Variants in DERA observed in about 807,000 individuals in gnomAD.
DERA encodes the protein 2-deoxy-D-ribose 5-phosphate aldolase.
Under a neutral mutation model 41.1 loss-of-function variants are expected in DERA, and 15 were observed. The observed-to-expected ratio is 0.37, with a 90% CI of 0.24 to 0.56. The LOEUF (loss-of-function observed/expected upper bound fraction) is 0.56, where lower values mean the gene tolerates loss of function less well. DERA is among the 20% of genes least tolerant of loss of function. The pLI is 0.81. For missense variants in DERA, 396 were observed against 403.4 expected, an observed-to-expected ratio of 0.98 and a Z score of 0.16; for synonymous variants, 139 against 137.4, an observed-to-expected ratio of 1.01 and a Z score of -0.08.
In DERA at chr12:16,010,481, TC is replaced by T. The variant is rs1443894296; in HGVS notation, c.638-22057del. Among the ~76,000 whole-genome samples the T allele has an allele frequency of 6.6e-6, 1 of 151,736 alleles. No individual in the cohort carries two copies. Among genetic ancestry groups the T allele is most frequent in the African/African-American group, 2.4e-5 (1 of 41,292 alleles). ...TGAGGTTTTCCGAGTTCTGCTGCTT[TC>T]CCCTTTGCCAGCATATACTGCTTTT... is the stretch of plus-strand genomic sequence containing the variant. On this transcript the variant is annotated intron_variant, in intron 6 of 8. Coordinates refer to ENST00000428559, the MANE Select transcript of DERA (RefSeq NM_015954.4). This position sits in a 1 kb window ranked among gnomAD's most constrained non-coding sequence, Gnocchi z 5.5.
chr12:15,920,990 G>GA (rs1029993596), intron 1 of DERA, among the ~76,000 whole-genome samples: 2 of 152,188 alleles, frequency 1.3e-5, no homozygotes, highest in African/African-American at 4.8e-5. Context: ...CCCAGGTTCA[G>GA]ATTCAGAGAA....
Position 15,954,270 on chromosome 12 carries a change from A to G in DERA, c.32-2666A>G, listed in dbSNP as rs1429329447. On this transcript the variant is annotated intron_variant, in intron 1 of 8. Transcript: ENST00000428559. This position sits in a 1 kb window ranked among gnomAD's most constrained non-coding sequence, Gnocchi z 4.0. ...CTGGTCTTTGGGAACCACTCGACTT[A>G]TTTATCGTATGCCACCCGTGCGTCA... Among the ~76,000 whole-genome samples, 1 of 152,152 alleles carries G rather than the reference A, an allele frequency of 6.6e-6. No homozygotes were observed. The highest frequency in any genetic ancestry group is 1.5e-5 in the Non-Finnish European group (1 of 68,028).
Position 15,932,320 on chromosome 12 carries a change from T to C in DERA, c.31+20906T>C, listed in dbSNP as rs118027537. Among the ~76,000 whole-genome samples the C allele has an allele frequency of 6.2e-3, 940 of 152,308 alleles. 5 individuals carry two copies. Among genetic ancestry groups the C allele is most frequent in the South Asian group, 0.014 (69 of 4,830 alleles). ...GTGTGTTTTCCATATTTGACAAGAA[T>C]GTATGAACCCATATGATACTTTACC... On this transcript the variant is annotated intron_variant, in intron 1 of 8. Coordinates refer to ENST00000428559, the MANE Select transcript of DERA (RefSeq NM_015954.4).
chr12:15,980,096 A>C (rs555354771), intron 5 of DERA, among the ~76,000 whole-genome samples: 1 of 152,336 alleles, frequency 6.6e-6, no homozygotes, highest in South Asian at 2.1e-4. Context: ...ATAACACAAC[A>C]CTTAGTGGAA....
At position 15,913,944 on chromosome 12, in the gene DERA, A is replaced by G. The variant is rs998431910; in HGVS notation, c.31+2530A>G. On this transcript the variant is annotated intron_variant, in intron 1 of 8. Coordinates refer to ENST00000428559, the MANE Select transcript of DERA (RefSeq NM_015954.4). This position sits in a 1 kb window ranked among gnomAD's most constrained non-coding sequence, Gnocchi z 4.5. ...CTATTATGCCCTATATAGTCTATTA[A>G]AATGTACAGATATTCTTCTATTTTA... Among the ~76,000 whole-genome samples, 1 of 152,202 alleles carries G rather than the reference A, an allele frequency of 6.6e-6. No homozygotes were observed. The highest frequency in any genetic ancestry group is 1.9e-4 in the East Asian group (1 of 5,196).
At position 15,954,377 on chromosome 12, in the gene DERA, G is replaced by A. The variant is rs1364567601; in HGVS notation, c.32-2559G>A. On this transcript the variant is annotated intron_variant, in intron 1 of 8. Coordinates refer to ENST00000428559, the MANE Select transcript of DERA (RefSeq NM_015954.4). The surrounding 1 kb of genome is among the most constrained non-coding windows in gnomAD (Gnocchi z 4.0). ...CAGTGGCATTCTGAGTGAAGGGGATGTACTAAAGGTGGAATGCAGAGTTTC... is the reference window on the plus strand; with the variant it reads ...CAGTGGCATTCTGAGTGAAGGGGATATACTAAAGGTGGAATGCAGAGTTTC... 2.0e-5 allele frequency among the ~76,000 whole-genome samples: 3 copies of A among 152,158 alleles called. No individual in the cohort carries two copies. Among genetic ancestry groups the A allele is most frequent in the Admixed American group, 2.0e-4 (3 of 15,284 alleles).
At position 15,985,595 on chromosome 12, in the gene DERA, T is replaced by A. The variant is rs368201617; in HGVS notation, c.637+3159T>A. On this transcript the variant is annotated intron_variant, in intron 6 of 8. Transcript: ENST00000428559. The surrounding 1 kb of genome is among the most constrained non-coding windows in gnomAD (Gnocchi z 4.2). ...TTTTTTCATTACTTTTCAGTGAAAGTTATTTTCTAATTTCCCTTGTGATCT... is the reference window on the plus strand; with the variant it reads ...TTTTTTCATTACTTTTCAGTGAAAGATATTTTCTAATTTCCCTTGTGATCT... Among the ~76,000 whole-genome samples the A allele has an allele frequency of 6.5e-4, 98 of 150,346 alleles. No homozygotes were observed. The highest frequency in any genetic ancestry group is 2.4e-3 in the African/African-American group (97 of 41,170).
chr12:16,008,525 A>G lies in DERA; in HGVS notation c.638-24017A>G, dbSNP rs541613310. Among the ~76,000 whole-genome samples, 1 of 152,370 alleles carries G rather than the reference A, an allele frequency of 6.6e-6. No individual in the cohort carries two copies. Among genetic ancestry groups the G allele is most frequent in the Non-Finnish European group, 1.5e-5 (1 of 68,034 alleles). ...GCAGAGTCTGAGTGATCCCCCCAGT[A>G]AACTAATGTAGGATATATTTGGATG... is the stretch of plus-strand genomic sequence containing the variant. On this transcript the variant is annotated intron_variant, in intron 6 of 8. Transcript: ENST00000428559. This position sits in a 1 kb window ranked among gnomAD's most constrained non-coding sequence, Gnocchi z 4.8.
At chr12:16,005,899 T>A (rs1448044634) in intron 6 of DERA, among the ~76,000 whole-genome samples, 2 of 152,208 alleles carry the variant, frequency 1.3e-5, no homozygotes, top group Non-Finnish European at 2.9e-5. Flanking sequence ...CACATAACTG[T>A]AAGAGCATAA....
rs1015608446 is a variant in DERA, at chr12:15,996,563, G to A, written c.637+14127G>A. 5.9e-5 allele frequency among the ~76,000 whole-genome samples: 9 copies of A among 152,096 alleles called. No homozygotes were observed. The highest frequency in any genetic ancestry group is 2.2e-4 in the African/African-American group (9 of 41,398). ...CTCTTCTTATAAGGAAACCAGTAAT[G>A]TAATGGCCCACCTTACTCAGTATGA... is the stretch of plus-strand genomic sequence containing the variant. On this transcript the variant is annotated intron_variant, in intron 6 of 8. Coordinates refer to ENST00000428559, the MANE Select transcript of DERA (RefSeq NM_015954.4). The surrounding 1 kb of genome is among the most constrained non-coding windows in gnomAD (Gnocchi z 4.7).
intron 1 of DERA, among the ~76,000 whole-genome samples, chr12:15,916,753 A>G (rs1008875172): frequency 2.3e-4 from 35 of 151,942 alleles, no homozygotes; most frequent in African/African-American, 8.2e-4. Flanking sequence ...ACCTGGCACA[A>G]TCCTGTTTCT....
chr12:15,969,937 C>T (rs7961980), intron 5 of DERA, among the ~76,000 whole-genome samples: 6 of 151,964 alleles, frequency 3.9e-5, no homozygotes, highest in African/African-American at 1.2e-4. Flanking sequence ...TCTGGAAATA[C>T]GACAACTGTA....
Position 15,954,212 on chromosome 12 carries a change from T to C in DERA, c.32-2724T>C, listed in dbSNP as rs1199140146. On this transcript the variant is annotated intron_variant, in intron 1 of 8. Coordinates refer to ENST00000428559, the MANE Select transcript of DERA (RefSeq NM_015954.4). The surrounding 1 kb of genome is among the most constrained non-coding windows in gnomAD (Gnocchi z 4.0). ...AAAAGCCCTTTCTAGTCTGAAGCAG[T>C]GGAGAAAGACATTGCCCAGAATTAA... Among the ~76,000 whole-genome samples the C allele has an allele frequency of 6.6e-6, 1 of 152,200 alleles. No homozygotes were observed. Among genetic ancestry groups the C allele is most frequent in the Non-Finnish European group, 1.5e-5 (1 of 68,032 alleles).
rs74065543 is a variant in DERA at position 15,996,087 on chromosome 12, T to A, written c.637+13651T>A. On this transcript the variant is annotated intron_variant, in intron 6 of 8. Coordinates refer to ENST00000428559, the MANE Select transcript of DERA (RefSeq NM_015954.4). This position sits in a 1 kb window ranked among gnomAD's most constrained non-coding sequence, Gnocchi z 4.7. Reference sequence around the variant, plus strand: ...GCAAACATTAGAGATGCCTTCTCTTTCAGAGTTAATGTGATTCTATGCAGA... The same window carrying A: ...GCAAACATTAGAGATGCCTTCTCTTACAGAGTTAATGTGATTCTATGCAGA... Among the ~76,000 whole-genome samples the A allele has an allele frequency of 0.065, 9,926 of 152,056 alleles. 1,039 individuals are homozygous for A. Among genetic ancestry groups the A allele is most frequent in the African/African-American group, 0.22 (9,139 of 41,386 alleles).
At position 15,931,535 on chromosome 12, in the gene DERA, G is replaced by A. The variant is rs141437169; in HGVS notation, c.31+20121G>A. Among the ~76,000 whole-genome samples the A allele has an allele frequency of 3.1e-3, 470 of 152,322 alleles. No homozygotes were observed. Among genetic ancestry groups the A allele is most frequent in the African/African-American group, 0.011 (453 of 41,570 alleles). ...AAAACTGTCATCAGAAGTTTTCCCA[G>A]AGTACATTAAGTTGAAAAACTACAT... On this transcript the variant is annotated intron_variant, in intron 1 of 8. Coordinates refer to ENST00000428559, the MANE Select transcript of DERA (RefSeq NM_015954.4). This position sits in a 1 kb window ranked among gnomAD's most constrained non-coding sequence, Gnocchi z 4.6.
At chr12:16,023,502 G>A (rs867475235) in intron 6 of DERA, among the ~76,000 whole-genome samples, 39 of 140,356 alleles carry the variant, frequency 2.8e-4, no homozygotes, top group South Asian at 1.1e-3. Flanking sequence ...TTTTGAGACG[G>A]AGTCTCGCTC....
In DERA at chr12:15,976,523, G is replaced by GA. The variant is rs1279684148; in HGVS notation, c.509-5781dup. Among the ~76,000 whole-genome samples, 4 of 152,290 alleles carry GA rather than the reference G, an allele frequency of 2.6e-5. No individual in the cohort carries two copies. Among genetic ancestry groups the GA allele is most frequent in the African/African-American group, 9.6e-5 (4 of 41,564 alleles). On this transcript the variant is annotated intron_variant, in intron 5 of 8. Transcript: ENST00000428559. The surrounding 1 kb of genome is among the most constrained non-coding windows in gnomAD (Gnocchi z 4.1). ...CACCTTCTTGGCAGTGTGTGGCTGA[G>GA]AAAATCCCTGCTCTCCCTTGTCTGT...
intron 7 of DERA, among the ~76,000 whole-genome samples, chr12:16,033,401 GT>G (rs1949105938): frequency 6.6e-6 from 1 of 152,182 alleles, no homozygotes; most frequent in African/African-American, 2.4e-5. Context: ...GTGTATACTA[GT>G]TTTTGTCAGC....
intron 7 of DERA, 109 bp downstream of exon 7, chr12:16,032,763 CTTTA>C (rs1272272691): frequency 4.2e-6 from 3 of 711,626 alleles, no homozygotes; most frequent in African/African-American, 3.6e-5. Context: ...AATGAATTAC[CTTTA>C]TTAAGATAAA....
Sources: gnomAD v4.1 joint callset for allele counts (sites outside exome capture counted in the v4.1 genomes callset) on GRCh38, gnomAD v4.1.1 for gene constraint, Gnocchi (gnomAD v3.1) non-coding constraint, MANE v1.5 for transcripts, NCBI Gene and HGNC (gene_info 2026-07-23, HGNC 2026-07-21) for gene names.